Variants in NARS1 observed in about 807,000 individuals in gnomAD.
The protein encoded by NARS1 is asparagine--tRNA ligase, cytoplasmic.
Under a neutral mutation model 79.2 loss-of-function variants are expected in NARS1, and 65 were observed. The observed-to-expected ratio is 0.82, with a 90% CI of 0.67 to 1.01. The LOEUF (loss-of-function observed/expected upper bound fraction) is 1.01. Among genes scored for constraint, NARS1 ranks in the 50% least tolerant of loss-of-function variants. NARS1 has a pLI of 0.00. For synonymous variants in NARS1, 229 were observed against 238.8 expected (o/e 0.96, Z 0.38); for missense variants, 649 against 673.8 (o/e 0.96, Z 0.41).
At chr18:57,614,590 AAGAAC>A (rs1358020721) in intron 4 of NARS1, among the ~76,000 whole-genome samples, 5 of 152,234 alleles carry the variant, frequency 3.3e-5, no homozygotes, top group Non-Finnish European at 5.9e-5. Flanking sequence ...GGGTTCCAGA[AAGAAC>A]AGAAGAAGAG....
intron 1 of NARS1, among the ~76,000 whole-genome samples, chr18:57,621,252 CTCTT>C (rs1338687980): frequency 2.7e-5 from 4 of 150,072 alleles, no homozygotes; most frequent in Admixed American, 6.6e-5. Flanking sequence ...CCAGGTCTCT[CTCTT>C]TTTTTTTTTT....
chr18:57,607,399 G>A (rs368512318), intron 8 of NARS1, 45 bp downstream of exon 8: 47 of 1,609,758 alleles, frequency 2.9e-5, no homozygotes, highest in African/African-American at 2.8e-4. Flanking sequence ...GTTTCAAAAC[G>A]GCAAAAAACA....
chr18:57,619,368 T>G (rs559719871), intron 2 of NARS1, among the ~76,000 whole-genome samples: 1 of 151,138 alleles, frequency 6.6e-6, no homozygotes, highest in East Asian at 1.9e-4. Context: ...ATTTATTTTT[T>G]AAATTAAATT....
chr18:57,607,556 A>G lies in NARS1; in HGVS notation c.689T>C (p.Leu230Pro), dbSNP rs1028334543. 6.2e-7 allele frequency: 1 copy of G among 1,614,046 alleles called. No individual in the cohort carries two copies. Among genetic ancestry groups the G allele is most frequent in the Non-Finnish European group, 8.5e-7 (1 of 1,180,022 alleles). ...INEESDVDVQ[L>P]NNRHMMIRGE... ...TCGGATCATCATGTGTCTGTTGTTG[A>G]GCTGGACATCAACGTCAGACTCCTC... The change falls in exon 8 of 14, where the codon CTC (leucine) becomes CCC (proline). Residue 230 changes from leucine (L) to proline (P), a missense_variant. Physicochemically the swap from Leu to Pro is moderately conservative, Grantham distance 98 (BLOSUM62 -3). Transcript: ENST00000256854.
At chr18:57,614,581 G>C (rs1192957816) in intron 4 of NARS1, among the ~76,000 whole-genome samples, 1 of 152,116 alleles carries the variant, frequency 6.6e-6, no homozygotes, top group African/African-American at 2.4e-5. Context: ...AATCTATTTG[G>C]GTTCCAGAAA....
Position 57,602,816 on chromosome 18 carries a change from T to G in NARS1, c.1379A>C (p.Glu460Ala). The G allele has an allele frequency of 1.9e-6, 3 of 1,613,782 alleles. No homozygotes were observed. Among genetic ancestry groups the G allele is most frequent in the Non-Finnish European group, 2.5e-6 (3 of 1,179,892 alleles). The change falls in exon 12 of 14, where the codon GAA (glutamate) becomes GCA (alanine). Residue 460 changes from glutamate (E) to alanine (A), a missense_variant. Physicochemically the swap from Glu to Ala is moderately radical, Grantham distance 107 (BLOSUM62 -1). Transcript: ENST00000256854. Reference sequence around the variant, plus strand: ...CTCTTTGAAACAGAAACTGACAGATTCAGTAAGACGGGAATCCTCAGGACA... The same window carrying G: ...CTCTTTGAAACAGAAACTGACAGATGCAGTAAGACGGGAATCCTCAGGACA... The part of the protein sequence containing the change: ...QRCPEDSRLT[E>A]SVDVLMPNVG...
chr18:57,618,338 G>C (rs78030919), intron 2 of NARS1, among the ~76,000 whole-genome samples: 2,571 of 150,032 alleles, frequency 0.017, 66 homozygotes, highest in African/African-American at 0.052. Context: ...AAAACCAAGA[G>C]AGAAGGTCCC....
chr18:57,611,241 C>T (rs1405547659), intron 6 of NARS1, among the ~76,000 whole-genome samples: 1 of 152,100 alleles, frequency 6.6e-6, no homozygotes, highest in African/African-American at 2.4e-5. Flanking sequence ...GCCGAGATTA[C>T]AGGCATGAGC....
rs769367328 is a variant in NARS1, at chr18:57,611,717, G to A, written c.422-10C>T. The A allele has an allele frequency of 6.5e-6, 10 of 1,539,684 alleles. No individual in the cohort carries two copies. Among genetic ancestry groups the A allele is most frequent in the Non-Finnish European group, 8.0e-6 (9 of 1,130,228 alleles). On this transcript the variant is annotated splice_polypyrimidine_tract_variant and intron_variant, in intron 5 of 13. Transcript: ENST00000256854. ...AACATTAAATTCTTTCCTAAAAAAT[G>A]AGAAATAATAATTTAGGCAGACTGT...
At chr18:57,613,003 T>C (rs2051616886) in intron 5 of NARS1, among the ~76,000 whole-genome samples, 2 of 152,202 alleles carry the variant, frequency 1.3e-5, no homozygotes, top group Admixed American at 1.3e-4. Flanking sequence ...TCTTCATCAC[T>C]ATAATTGCTA....
At chr18:57,615,330 G>A (rs1451505101) in intron 4 of NARS1, among the ~76,000 whole-genome samples, 1 of 151,998 alleles carries the variant, frequency 6.6e-6, no homozygotes, top group African/African-American at 2.4e-5. Context: ...GTGAAACCCC[G>A]TCTCTACCAA....
At chr18:57,608,437 C>CAAAAAA (rs1175712420) in intron 7 of NARS1, among the ~76,000 whole-genome samples, 13 of 78,216 alleles carry the variant, frequency 1.7e-4, no homozygotes, top group East Asian at 4.5e-4. Context: ...AACTCCGTCT[C>CAAAAAA]AAAAAAAAAA....
chr18:57,607,503 C>T lies in NARS1; in HGVS notation c.742G>A (p.Ala248Thr). The T allele has an allele frequency of 6.2e-7, 1 of 1,614,150 alleles. No homozygotes were observed. The highest frequency in any genetic ancestry group is 8.5e-7 in the Non-Finnish European group (1 of 1,180,030). Residue 248 changes from alanine to threonine, a missense_variant, in exon 8 of 14, where the codon GCA becomes ACA. By Grantham distance (58) the Ala-to-Thr change is moderately conservative. Transcript: ENST00000256854. Reference sequence around the variant, plus strand: ...AAGCACCTGGTGACCATGGATCGTGCTTTTAGGATTTTGGACATGTTTTCT... The same window carrying T: ...AAGCACCTGGTGACCATGGATCGTGTTTTTAGGATTTTGGACATGTTTTCT... ...RGENMSKILK[A>T]RSMVTRCFRD...
rs746871204 is a variant in NARS1, at chr18:57,601,665, C to T, written c.1634G>A (p.Arg545His). The T allele has an allele frequency of 1.1e-5, 17 of 1,613,750 alleles. No homozygotes were observed. The highest frequency in any genetic ancestry group is 5.3e-5 in the African/African-American group (4 of 74,910). Residue 545 changes from arginine to histidine, a missense_variant, in exon 14 of 14, where the codon CGT (arginine) becomes CAT (histidine). Arg to His is a conservative substitution (Grantham distance 29). Coordinates refer to ENST00000256854, the MANE Select transcript of NARS1 (RefSeq NM_004539.4). The part of the protein sequence containing the change: ...DVCLYPRFVQ[R>H]CTP ...TGGAGAAAATGGTTATGGCGTGCAA[C>T]GCTGGACAAATCGAGGGTATAAGCA...
intron 2 of NARS1, among the ~76,000 whole-genome samples, chr18:57,619,848 G>A (rs991589343): frequency 4.6e-5 from 7 of 151,930 alleles, no homozygotes; most frequent in African/African-American, 1.7e-4. Context: ...CCACCATGCT[G>A]GGCTAATTTT....
In NARS1 at chr18:57,608,768, A is replaced by G. The variant is rs377389476; in HGVS notation, c.579+589T>C. Among the ~76,000 whole-genome samples the G allele has an allele frequency of 3.8e-4, 58 of 152,346 alleles. No individual in the cohort carries two copies. In the South Asian group the frequency reaches 0.012, roughly 30 times the overall value. ...AGTCAACCTGATTGGAATGAAGGAT[A>G]CAAAGTATTTTCTGGGTGTATCTGG... On this transcript the variant is annotated intron_variant, in intron 7 of 13. Coordinates refer to ENST00000256854, the MANE Select transcript of NARS1 (RefSeq NM_004539.4).
In NARS1 at chr18:57,607,459, A is replaced by G; in HGVS notation, c.786T>C (p.Asp262=). 6.2e-7 allele frequency: 1 copy of G among 1,614,064 alleles called. No homozygotes were observed. The highest frequency in any genetic ancestry group is 1.1e-5 in the South Asian group (1 of 91,084). The change falls in exon 8 of 14, where the codon GAT becomes GAC. Residue 262 remains aspartate (D), a synonymous_variant. Coordinates refer to ENST00000256854, the MANE Select transcript of NARS1 (RefSeq NM_004539.4). ...GCATACTTACTTCATAGTACCCCCT[A>G]TCAAAGAAGTGATCTCTAAAGCACC... ...VTRCFRDHFF[D]RGYYEVTPPT... is the part of the protein sequence containing the mutation.
intron 4 of NARS1, 78 bp from the exon 5 acceptor site, chr18:57,613,758 C>T (rs759873642): frequency 8.7e-5 from 104 of 1,191,640 alleles, no homozygotes; most frequent in Middle Eastern, 1.9e-4. Flanking sequence ...ATTAGGCAGA[C>T]GGTAGTAAGT....
chr18:57,621,796 G>A lies in NARS1; in HGVS notation c.-79C>T, dbSNP rs1398054369. 6.2e-7 allele frequency: 1 copy of A among 1,607,920 alleles called. No individual in the cohort carries two copies. Among genetic ancestry groups the A allele is most frequent in the Non-Finnish European group, 8.5e-7 (1 of 1,178,278 alleles). ...TCTTATGACTCCAACGTGCACCGGC[G>A]GTTTCCGCGATTCCGGCGTTGCATC... On this transcript the variant is annotated 5_prime_UTR_variant, in exon 1 of 14. Transcript: ENST00000256854.
Sources: allele counts gnomAD v4.1 joint callset (sites outside exome capture counted in the v4.1 genomes callset), GRCh38; gene constraint gnomAD v4.1.1; transcripts MANE v1.5; gene names NCBI Gene and HGNC (gene_info 2026-07-23, HGNC 2026-07-21).